The following KDM4B variants were observed in gnomAD, a reference collection of about 807,000 sequenced individuals.
KDM4B encodes the protein lysine-specific demethylase 4B.
A neutral mutation model predicts 125.2 loss-of-function variants in KDM4B; 32 were observed. The observed-to-expected ratio is 0.26, with a 90% CI of 0.19 to 0.34. The LOEUF (loss-of-function observed/expected upper bound fraction) is 0.34, where lower values mean the gene tolerates loss of function less well. Among genes scored for constraint, KDM4B ranks in the 10% least tolerant of loss-of-function variants. KDM4B has a pLI of 1.00. For missense variants in KDM4B, 1,190 were observed against 1,577.7 expected (o/e 0.75, Z 4.16); for synonymous variants, 721 against 677.9 (o/e 1.06, Z -0.99).
intron 5 of KDM4B, among the ~76,000 whole-genome samples, chr19:5,045,725 G>A (rs1004155628): frequency 2.0e-5 from 3 of 152,056 alleles, no homozygotes; most frequent in African/African-American, 7.2e-5. Flanking sequence ...TGCCCGCCTT[G>A]GCCTCCCAAA....
intron 11 of KDM4B, among the ~76,000 whole-genome samples, chr19:5,129,484 T>C (rs569837285): frequency 6.6e-6 from 1 of 152,328 alleles, no homozygotes; most frequent in Admixed American, 6.5e-5. Context: ...GGCGCTGTGC[T>C]CCAAACCAGA....
intron 11 of KDM4B, among the ~76,000 whole-genome samples, chr19:5,127,689 G>A (rs1014693056): frequency 4.6e-5 from 7 of 152,176 alleles, no homozygotes; most frequent in Non-Finnish European, 8.8e-5. Context: ...GTGGGGAAGC[G>A]GGACTTGGGG....
At chr19:5,104,730 C>T (rs1329454390) in intron 9 of KDM4B, among the ~76,000 whole-genome samples, 1 of 152,116 alleles carries the variant, frequency 6.6e-6, no homozygotes, top group Non-Finnish European at 1.5e-5. Context: ...AGAAAATGGA[C>T]ACCCTCACAC....
chr19:5,121,261 A>G (rs1205560461), intron 11 of KDM4B, among the ~76,000 whole-genome samples: 2 of 152,126 alleles, frequency 1.3e-5, no homozygotes, highest in African/African-American at 4.8e-5. Flanking sequence ...GCCGGGGGTG[A>G]GTTTGCCCCT....
At chr19:5,075,334 A>G (rs1165385369) in intron 7 of KDM4B, 1 of 152,252 alleles carries the variant, frequency 6.6e-6, no homozygotes, top group Non-Finnish European at 1.5e-5. Flanking sequence ...TGTGTTGCAC[A>G]CTGAGGGGCG....
chr19:5,082,635 GT>G lies in KDM4B; in HGVS notation c.918+132del. 2 of 1,002,288 alleles carry G rather than the reference GT, an allele frequency of 2.0e-6. No homozygotes were observed. The highest frequency in any genetic ancestry group is 2.8e-6 in the Non-Finnish European group (2 of 708,152). The allele number at this position is 1,002,288 out of a possible 1,614,324, so 62.1% of individuals were successfully genotyped here. A position where few individuals can be genotyped will look rare whatever the true frequency, so the allele number is the denominator to read the frequency against. ...CCCAGGGCCTGGGCTCTCAACCAGG[GT>G]CTGATTCTGGGCTCCTCAGAGAGCT... is the stretch of plus-strand genomic sequence containing the variant. On this transcript the variant is annotated intron_variant, in intron 9 of 22. Transcript: ENST00000159111. The surrounding 1 kb of genome is among the most constrained non-coding windows in gnomAD (Gnocchi z 5.4).
chr19:4,998,756 T>C (rs914658255), intron 1 of KDM4B, among the ~76,000 whole-genome samples: 14 of 152,178 alleles, frequency 9.2e-5, no homozygotes, highest in African/African-American at 3.1e-4. Context: ...AGTCTGTCTC[T>C]GGGTTCTCTG....
chr19:5,152,847 A>G lies in KDM4B; in HGVS notation c.*1336A>G, dbSNP rs1599288565. ...AAAATGGCTGAGGCAGGAGTTTGGG[A>G]CCAGCCTGGGCTATATAGCAAGACC... On this transcript the variant is annotated 3_prime_UTR_variant, in exon 23 of 23. Transcript: ENST00000159111. 1 of 152,344 alleles carries G rather than the reference A, an allele frequency of 6.6e-6. No homozygotes were observed. The highest frequency in any genetic ancestry group is 1.5e-5 in the Non-Finnish European group (1 of 68,064). 9.4% of individuals were successfully genotyped at this position (152,344 alleles called of 1,614,324 possible). A position where few individuals can be genotyped will look rare whatever the true frequency, so the allele number is the denominator to read the frequency against.
chr19:5,146,514 T>C (rs1016020289), intron 21 of KDM4B, among the ~76,000 whole-genome samples: 1 of 152,212 alleles, frequency 6.6e-6, no homozygotes, highest in Non-Finnish European at 1.5e-5. Context: ...TTGGACTTCC[T>C]GATTGTGTTA....
Position 4,997,932 on chromosome 19 carries a change from A to G in KDM4B, c.-108-18325A>G, listed in dbSNP as rs1267997917. On this transcript the variant is annotated intron_variant, in intron 1 of 22. Coordinates refer to ENST00000159111, the MANE Select transcript of KDM4B (RefSeq NM_015015.3). The surrounding 1 kb of genome is among the most constrained non-coding windows in gnomAD (Gnocchi z 4.2). ...CAGGCCTTGGGGCTCCCAGACAACC[A>G]TGAAATTACAAGGCAGGTTTGTAGA... 6.6e-6 allele frequency among the ~76,000 whole-genome samples: 1 copy of G among 152,278 alleles called. No homozygotes were observed. The highest frequency in any genetic ancestry group is 1.5e-5 in the Non-Finnish European group (1 of 68,046).
intron 8 of KDM4B, chr19:5,080,818 GATAA>G (rs1164802817): frequency 2.6e-5 from 4 of 152,250 alleles, no homozygotes; most frequent in East Asian, 3.8e-4. Flanking sequence ...CAGGAGGATA[GATAA>G]ATAAATAACC....
At chr19:5,055,119 G>A (rs752497245) in intron 6 of KDM4B, among the ~76,000 whole-genome samples, 3 of 152,350 alleles carry the variant, frequency 2.0e-5, no homozygotes, top group Admixed American at 6.5e-5. Context: ...CCTCACTCAC[G>A]TTAAGCAATT....
In KDM4B at chr19:5,082,721, G is replaced by C. The variant is rs1333414660; in HGVS notation, c.918+217G>C. On this transcript the variant is annotated intron_variant, in intron 9 of 22. Coordinates refer to ENST00000159111, the MANE Select transcript of KDM4B (RefSeq NM_015015.3). This position sits in a 1 kb window ranked among gnomAD's most constrained non-coding sequence, Gnocchi z 5.4. ...GAGGAGGTGGGCAGGTCGGGTGGAC[G>C]ATGGTGGCCCAGGGCCCATCTCCAG... is the stretch of plus-strand genomic sequence containing the variant. Among the ~76,000 whole-genome samples the C allele has an allele frequency of 6.6e-6, 1 of 152,196 alleles. No homozygotes were observed. The highest frequency in any genetic ancestry group is 1.5e-5 in the Non-Finnish European group (1 of 68,028).
At position 5,084,782 on chromosome 19, in the gene KDM4B, C is replaced by T. The variant is rs977084117; in HGVS notation, c.918+2278C>T. ...TGAGCTATGATTGCACCACTGCACT[C>T]GAGCCTGGGCAACAGAGTGAGGACC... On this transcript the variant is annotated intron_variant, in intron 9 of 22. Transcript: ENST00000159111. Among the ~76,000 whole-genome samples, 59 of 151,506 alleles carry T rather than the reference C, an allele frequency of 3.9e-4. No individual in the cohort carries two copies. The South Asian group carries it at 5.8e-3, about 15-fold the overall frequency.
chr19:5,023,026 A>C (rs994353722), intron 2 of KDM4B, among the ~76,000 whole-genome samples: 6 of 152,110 alleles, frequency 3.9e-5, no homozygotes, highest in Non-Finnish European at 5.9e-5. Context: ...TAAATGACAA[A>C]AGGGACTTTT....
chr19:5,135,847 C>T (rs1211273532), intron 15 of KDM4B, among the ~76,000 whole-genome samples: 1 of 152,364 alleles, frequency 6.6e-6, no homozygotes, highest in East Asian at 1.9e-4. Context: ...CTCCACCGCC[C>T]CCAGCATCCA....
In KDM4B at chr19:5,092,202, G is replaced by A. The variant is rs577818925; in HGVS notation, c.918+9698G>A. 1.1e-4 allele frequency among the ~76,000 whole-genome samples: 16 copies of A among 152,292 alleles called. No homozygotes were observed. The East Asian group carries it at 1.4e-3, about 13-fold the overall frequency. ...GAAGGCCTCGTTTAGTCTCTCCCTC[G>A]GCACTGCGGACATTGGGGCCGTATC... On this transcript the variant is annotated intron_variant, in intron 9 of 22. Transcript: ENST00000159111.
chr19:4,989,638 G>GTCTTCTTCT (rs527457487), intron 1 of KDM4B, among the ~76,000 whole-genome samples: 2 of 150,716 alleles, frequency 1.3e-5, no homozygotes, highest in Admixed American at 6.6e-5. Flanking sequence ...ACCATGCCCA[G>GTCTTCTTCT]TCTTCTTCTT....
At chr19:5,065,144 G>A (rs1259542212) in intron 6 of KDM4B, among the ~76,000 whole-genome samples, 1 of 152,242 alleles carries the variant, frequency 6.6e-6, no homozygotes, top group Non-Finnish European at 1.5e-5. Flanking sequence ...CCTAGCACAG[G>A]AGGGGCCACA....
Sources: gnomAD v4.1 joint callset for allele counts (sites outside exome capture counted in the v4.1 genomes callset) on GRCh38, gnomAD v4.1.1 for gene constraint, Gnocchi (gnomAD v3.1) non-coding constraint, MANE v1.5 for transcripts, NCBI Gene and HGNC (gene_info 2026-07-23, HGNC 2026-07-21) for gene names.